Variants in MMP26 observed in about 807,000 individuals in gnomAD.
MMP26 encodes the protein matrix metallopeptidase 26.
MMP26 carries 33 observed loss-of-function variants against 31.0 expected under a neutral mutation model. The observed-to-expected ratio is 1.06, with a 90% CI of 0.81 to 1.42. The LOEUF is 1.42. MMP26 is among the 40% of genes most tolerant of loss of function. MMP26 has a pLI of 0.00. For synonymous variants in MMP26, 122 were observed against 114.9 expected (o/e 1.06, Z -0.40); for missense variants, 347 against 316.1 (o/e 1.10, Z -0.74).
chr11:4,847,884 T>G, intron 2 of MMP26: 1 of 184,294 alleles, frequency 5.4e-6, no homozygotes, highest in Non-Finnish European at 1.1e-5. Context: ...TCCTTTGCTA[T>G]GTAGATGATT....
At chr11:4,860,474 AG>A (rs111292219) in intron 2 of MMP26, 5,908 of 471,090 alleles carry the variant, frequency 0.013, 291 homozygotes, top group African/African-American at 0.11. Flanking sequence ...CCCAGGGGAA[AG>A]GCCAACCATG....
intron 2 of MMP26, among the ~76,000 whole-genome samples, chr11:4,809,041 A>G (rs1283217943): frequency 6.6e-6 from 1 of 151,978 alleles, no homozygotes; most frequent in African/African-American, 2.4e-5. Flanking sequence ...GGTTTTCAAC[A>G]TAGGAAGCAC....
chr11:4,938,977 A>G (rs1469548535), intron 2 of MMP26, among the ~76,000 whole-genome samples: 1 of 152,172 alleles, frequency 6.6e-6, no homozygotes, highest in Non-Finnish European at 1.5e-5. Context: ...ATTAACTAAT[A>G]CCTAAAGCCA....
At chr11:4,744,459 C>T (rs911106605) in intron 1 of MMP26, among the ~76,000 whole-genome samples, 4 of 152,180 alleles carry the variant, frequency 2.6e-5, no homozygotes, top group South Asian at 4.2e-4. Context: ...CAACATAAAT[C>T]GTCTAACGTT....
chr11:4,743,175 C>A (rs1049648976), intron 1 of MMP26, among the ~76,000 whole-genome samples: 1 of 152,080 alleles, frequency 6.6e-6, no homozygotes, highest in African/African-American at 2.4e-5. Context: ...TCTTTTCCCT[C>A]AACAGCTGTA....
intron 2 of MMP26, among the ~76,000 whole-genome samples, chr11:4,818,258 T>C (rs1004730394): frequency 3.3e-5 from 5 of 152,250 alleles, no homozygotes; most frequent in Non-Finnish European, 7.3e-5. Flanking sequence ...TTTGCTTTAT[T>C]GGTAAATATT....
At chr11:4,843,071 G>T (rs1849818120) in intron 2 of MMP26, among the ~76,000 whole-genome samples, 1 of 152,224 alleles carries the variant, frequency 6.6e-6, no homozygotes. Flanking sequence ...GCCTCTCAAG[G>T]CCTTCAGCAC....
In MMP26 at chr11:4,986,744, G is replaced by C. The variant is rs36224991; in HGVS notation, c.-144-1324G>C. Among the ~76,000 whole-genome samples, 1,396 of 150,922 alleles carry C rather than the reference G, an allele frequency of 9.2e-3. 25 individuals carry two copies. The highest frequency in any genetic ancestry group is 0.032 in the African/African-American group (1,332 of 41,046). On this transcript the variant is annotated intron_variant, in intron 2 of 7. Coordinates refer to ENST00000380390, the MANE Select transcript of MMP26 (RefSeq NM_021801.5). ...GACGGGGTTTCACTATGTTGGCCGG[G>C]CTGGTCTTGAACTCCTGACCTCAGG... is the stretch of plus-strand genomic sequence containing the variant.
chr11:4,753,516 T>C (rs1044409589), intron 1 of MMP26, among the ~76,000 whole-genome samples: 3 of 152,142 alleles, frequency 2.0e-5, no homozygotes, highest in Middle Eastern at 3.2e-3. Context: ...AATCCTTGTT[T>C]AGTGGAGTTG....
chr11:4,907,266 G>A (rs146225213), intron 2 of MMP26: 10,950 of 698,658 alleles, frequency 0.016, 143 homozygotes, highest in Non-Finnish European at 0.021. Flanking sequence ...TATAGTATAC[G>A]AATGAACCCC....
chr11:4,755,852 A>T (rs1564902033), intron 1 of MMP26, among the ~76,000 whole-genome samples: 1 of 152,096 alleles, frequency 6.6e-6, no homozygotes, highest in South Asian at 2.1e-4. Context: ...ACTAGAGAGT[A>T]TATAAAGAAA....
At chr11:4,965,663 G>T (rs756386806) in intron 2 of MMP26, among the ~76,000 whole-genome samples, 1 of 152,140 alleles carries the variant, frequency 6.6e-6, no homozygotes. Flanking sequence ...ACCCTTCTGG[G>T]TTATCTGATT....
At chr11:4,925,172 C>T (rs562430536) in intron 2 of MMP26, among the ~76,000 whole-genome samples, 7 of 152,138 alleles carry the variant, frequency 4.6e-5, no homozygotes, top group Admixed American at 6.5e-5. Flanking sequence ...AAAATTGTAG[C>T]GCAGAGAGGT....
intron 2 of MMP26, chr11:4,946,232 G>T: frequency 6.2e-7 from 1 of 1,613,896 alleles, no homozygotes. Context: ...ATAAACAATT[G>T]GGTTCGTCAG....
In MMP26 at chr11:4,909,522, G is replaced by A. The variant is rs1191992701; in HGVS notation, c.-144-78546G>A. On this transcript the variant is annotated intron_variant, in intron 2 of 7. Coordinates refer to ENST00000380390, the MANE Select transcript of MMP26 (RefSeq NM_021801.5). ...GGAAACGGGGATGCTTATCTGTCAT[G>A]ACTAGGAAAGCAGCCGTGGCCCTCT... The A allele has an allele frequency of 3.3e-5, 5 of 152,268 alleles. No homozygotes were observed. The East Asian group carries it at 7.7e-4, about 23-fold the overall frequency. The allele number at this position is 152,268 out of a possible 1,614,324, so 9.4% of individuals were successfully genotyped here.
intron 2 of MMP26, among the ~76,000 whole-genome samples, chr11:4,971,527 C>G (rs61102877): frequency 0.032 from 4,895 of 152,126 alleles, 282 homozygotes; most frequent in African/African-American, 0.11. Context: ...AGGGATTGGG[C>G]TCAACTCTAA....
At chr11:4,888,974 C>G (rs1850580137) in intron 2 of MMP26, among the ~76,000 whole-genome samples, 1 of 152,140 alleles carries the variant, frequency 6.6e-6, no homozygotes, top group South Asian at 2.1e-4. Flanking sequence ...GGAGTACAAT[C>G]CCTGCTTTCA....
rs950621725 is a variant in MMP26, at chr11:4,843,974, T to G, written c.-145+76633T>G. The stretch of plus-strand genomic sequence containing the variant: ...CAAAGAAAACAACACAAATGATCAA[T>G]AAAACAAAAAGGTTTTTTGAAAAGT... On this transcript the variant is annotated intron_variant, in intron 2 of 7. Transcript: ENST00000380390. 6.6e-5 allele frequency among the ~76,000 whole-genome samples: 10 copies of G among 152,130 alleles called. 1 individual carries two copies. The South Asian group carries it at 1.7e-3, about 25-fold the overall frequency.
intron 2 of MMP26, among the ~76,000 whole-genome samples, chr11:4,838,088 C>A (rs999955603): frequency 2.0e-5 from 3 of 151,464 alleles, no homozygotes; most frequent in African/African-American, 7.3e-5. Context: ...GAGGCTGAGG[C>A]AGGCGGATCA....
Sources: gnomAD v4.1 joint callset for allele counts (sites outside exome capture counted in the v4.1 genomes callset) on GRCh38, gnomAD v4.1.1 for gene constraint, MANE v1.5 for transcripts, NCBI Gene and HGNC (gene_info 2026-07-23, HGNC 2026-07-21) for gene names.